The following DCDC1 variants were observed in gnomAD, a reference collection of about 807,000 sequenced individuals.
DCDC1 encodes the protein doublecortin domain containing 1.
A neutral mutation model predicts 178.3 loss-of-function variants in DCDC1; 200 were observed. The observed-to-expected ratio is 1.12, with a 90% CI of 1.00 to 1.26. DCDC1 has a LOEUF of 1.26. DCDC1 is among the 50% of genes most tolerant of loss of function. The pLI is 0.00. For synonymous variants in DCDC1, 690 were observed against 604.8 expected (o/e 1.14, Z -2.07); for missense variants, 1,983 against 1,749.2 (o/e 1.13, Z -2.38).
intron 9 of DCDC1, among the ~76,000 whole-genome samples, chr11:31,185,482 T>C (rs988742861): frequency 6.6e-6 from 1 of 151,406 alleles, no homozygotes; most frequent in Non-Finnish European, 1.5e-5. Context: ...GAAAGACATA[T>C]AGTTAGAGTC....
chr11:31,184,231 C>A (rs1488884782), intron 9 of DCDC1, among the ~76,000 whole-genome samples: 2 of 152,096 alleles, frequency 1.3e-5, no homozygotes, highest in Non-Finnish European at 2.9e-5. Flanking sequence ...AACTGGCTAG[C>A]CATATGCAGA....
chr11:31,242,848 C>T (rs1237123735), intron 8 of DCDC1, among the ~76,000 whole-genome samples: 2 of 151,828 alleles, frequency 1.3e-5, no homozygotes, highest in Non-Finnish European at 2.9e-5. Context: ...CTAAGTTCCA[C>T]AACTCTCTAC....
chr11:31,261,674 T>C (rs955428974), intron 8 of DCDC1, among the ~76,000 whole-genome samples: 16 of 152,022 alleles, frequency 1.1e-4, no homozygotes, highest in African/African-American at 3.9e-4. Context: ...TGAGCAACTG[T>C]GGATGTTAGT....
At chr11:30,972,282 T>C (rs1216640240) in intron 20 of DCDC1, among the ~76,000 whole-genome samples, 1 of 152,150 alleles carries the variant, frequency 6.6e-6, no homozygotes, top group Non-Finnish European at 1.5e-5. Flanking sequence ...AACAGCAAGT[T>C]TCTTAGTAGA....
intron 1 of DCDC1, among the ~76,000 whole-genome samples, chr11:31,349,575 A>G (rs1950974482): frequency 6.6e-6 from 1 of 152,238 alleles, no homozygotes; most frequent in African/African-American, 2.4e-5. Flanking sequence ...AGAAATGCTC[A>G]TATTAAGATT....
intron 1 of DCDC1, among the ~76,000 whole-genome samples, chr11:31,347,927 A>G (rs1300956305): frequency 6.6e-6 from 1 of 152,218 alleles, no homozygotes; most frequent in African/African-American, 2.4e-5. Flanking sequence ...GGCATGGCAC[A>G]GCTGTCAGCC....
At chr11:31,276,457 G>A (rs113864429) in intron 7 of DCDC1, among the ~76,000 whole-genome samples, 275 of 152,110 alleles carry the variant, frequency 1.8e-3, no homozygotes, top group Middle Eastern at 0.017. Context: ...TTGAGAAAGG[G>A]AATCTGTTTT....
At chr11:31,034,807 C>CA (rs1953918532) in intron 20 of DCDC1, among the ~76,000 whole-genome samples, 1 of 152,194 alleles carries the variant, frequency 6.6e-6, no homozygotes, top group Non-Finnish European at 1.5e-5. Flanking sequence ...TCATGAAATA[C>CA]ATTCTGATTG....
intron 21 of DCDC1, chr11:30,943,798 A>G (rs1392952851): frequency 2.1e-5 from 7 of 326,162 alleles, no homozygotes; most frequent in Non-Finnish European, 4.2e-5. Flanking sequence ...AATATTATCA[A>G]TTGCCTTTTA....
chr11:30,947,176 CA>C (rs1264052961), intron 21 of DCDC1, among the ~76,000 whole-genome samples: 1 of 151,638 alleles, frequency 6.6e-6, no homozygotes, highest in East Asian at 1.9e-4. Context: ...AAATAAGATG[CA>C]AAAATGCATC....
intron 10 of DCDC1, among the ~76,000 whole-genome samples, chr11:31,133,682 A>C (rs1008352517): frequency 1.3e-5 from 2 of 151,962 alleles, no homozygotes; most frequent in Non-Finnish European, 2.9e-5. Flanking sequence ...AATACTACCA[A>C]ATTTTTGTGG....
At chr11:30,958,069 T>C (rs987471913) in intron 20 of DCDC1, among the ~76,000 whole-genome samples, 5 of 152,154 alleles carry the variant, frequency 3.3e-5, no homozygotes, top group Non-Finnish European at 7.4e-5. Flanking sequence ...AATTGTCCCA[T>C]TAGGTTGAGC....
At chr11:31,015,047 C>T (rs748897804) in intron 20 of DCDC1, among the ~76,000 whole-genome samples, 30 of 151,714 alleles carry the variant, frequency 2.0e-4, no homozygotes, top group Admixed American at 5.2e-4. Context: ...CCCAGTTTCA[C>T]GCCATTCTCC....
chr11:31,131,624 GAAATTAAAATCC>G (rs1962452293), intron 10 of DCDC1, among the ~76,000 whole-genome samples: 1 of 152,106 alleles, frequency 6.6e-6, no homozygotes, highest in African/African-American at 2.4e-5. Flanking sequence ...GTTATCTGAT[GAAATTAAAATCC>G]AAGAATGAAA....
chr11:30,910,174 C>T (rs1258213369), intron 28 of DCDC1, among the ~76,000 whole-genome samples: 6 of 152,086 alleles, frequency 3.9e-5, no homozygotes, highest in South Asian at 2.1e-4. Context: ...TTTCAATAAA[C>T]GCAACACCAG....
intron 20 of DCDC1, among the ~76,000 whole-genome samples, chr11:30,986,902 G>C (rs1368236622): frequency 6.6e-6 from 1 of 152,110 alleles, no homozygotes; most frequent in Non-Finnish European, 1.5e-5. Flanking sequence ...CCATCAAAGA[G>C]AATGGTATTC....
chr11:31,123,743 A>T (rs369442836), intron 11 of DCDC1, among the ~76,000 whole-genome samples: 2 of 152,020 alleles, frequency 1.3e-5, no homozygotes, highest in Admixed American at 6.6e-5. Context: ...AGGGGAAAAA[A>T]ATCATAAAAA....
intron 38 of DCDC1, among the ~76,000 whole-genome samples, chr11:30,876,112 G>T (rs1228137138): frequency 1.3e-5 from 2 of 152,158 alleles, no homozygotes; most frequent in African/African-American, 4.8e-5. Context: ...GGGTGTTTGT[G>T]AACTATCAGG....
At chr11:31,064,390 A>G in intron 20 of DCDC1, 79 bp downstream of exon 20, 2 of 654,206 alleles carry the variant, frequency 3.1e-6, no homozygotes, top group Non-Finnish European at 5.6e-6. Flanking sequence ...ATTATCTTCA[A>G]GAAATCAATC....
Sources: gnomAD v4.1 joint callset for allele counts (sites outside exome capture counted in the v4.1 genomes callset) on GRCh38, gnomAD v4.1.1 for gene constraint, MANE v1.5 for transcripts, NCBI Gene and HGNC (gene_info 2026-07-23, HGNC 2026-07-21) for gene names.